Variants in STK24 observed in about 807,000 individuals in gnomAD.
STK24 encodes the protein serine/threonine kinase 24, also known as serine/threonine-protein kinase 24.
In STK24, 21 loss-of-function variants were observed where a neutral mutation model predicts 55.6. The observed-to-expected ratio is 0.38, with a 90% CI of 0.27 to 0.54. The LOEUF is 0.54. STK24 is among the 20% of genes least tolerant of loss of function. The pLI is 0.79. For synonymous variants in STK24, 200 were observed against 215.2 expected (o/e 0.93, Z 0.62); for missense variants, 383 against 538.4 (o/e 0.71, Z 2.86).
At chr13:98,532,917 G>C (rs1210251399) in intron 1 of STK24, among the ~76,000 whole-genome samples, 1 of 152,130 alleles carries the variant, frequency 6.6e-6, no homozygotes, top group African/African-American at 2.4e-5. Flanking sequence ...CCACCATCTG[G>C]TTTAGTAAAC....
At chr13:98,565,626 C>A (rs1451350999) in intron 1 of STK24, among the ~76,000 whole-genome samples, 1 of 116,402 alleles carries the variant, frequency 8.6e-6, no homozygotes, top group Non-Finnish European at 1.8e-5. Flanking sequence ...AATGAGACTC[C>A]ATCTCAAAAA....
chr13:98,467,913 C>T (rs944389452), intron 5 of STK24, among the ~76,000 whole-genome samples: 4 of 152,194 alleles, frequency 2.6e-5, no homozygotes, highest in African/African-American at 9.7e-5. Context: ...TGGCGAAAGA[C>T]GAATGGGGAC....
At position 98,450,387 on chromosome 13, in the gene STK24, GCTA is replaced by G. The variant is rs1318888119; in HGVS notation, c.*2783_*2785del. ...TTTTGCCAGAGGAAAGGTACAAAAT[GCTA>G]CATACAGAACCAAACCAGCCACTTC... On this transcript the variant is annotated 3_prime_UTR_variant, in exon 11 of 11. Coordinates refer to ENST00000539966, the MANE Select transcript of STK24 (RefSeq NM_001032296.4). 1 of 152,326 alleles carries G rather than the reference GCTA, an allele frequency of 6.6e-6. No homozygotes were observed. The highest frequency in any genetic ancestry group is 1.9e-4 in the East Asian group (1 of 5,182). 9.4% of individuals were successfully genotyped at this position (152,326 alleles called of 1,614,324 possible). A position where few individuals can be genotyped will look rare whatever the true frequency, so the allele number is the denominator to read the frequency against.
At chr13:98,537,173 G>A (rs1260494175) in intron 1 of STK24, among the ~76,000 whole-genome samples, 2 of 152,222 alleles carry the variant, frequency 1.3e-5, no homozygotes, top group African/African-American at 4.8e-5. Flanking sequence ...TGAAGGAGCA[G>A]GCTACCTGTG....
Position 98,453,053 on chromosome 13 carries a change from G to C in STK24, c.*120C>G. On this transcript the variant is annotated 3_prime_UTR_variant, in exon 11 of 11. Transcript: ENST00000539966. ...TCCCTGGACGGGCGCCTGGCGCTGGGGTGGCTCCCAGTGGCGCACCTCTTC... is the reference window on the plus strand; with the variant it reads ...TCCCTGGACGGGCGCCTGGCGCTGGCGTGGCTCCCAGTGGCGCACCTCTTC... The C allele has an allele frequency of 1.7e-6, 2 of 1,155,298 alleles. No individual in the cohort carries two copies. The highest frequency in any genetic ancestry group is 1.4e-5 in the South Asian group (1 of 73,112). 71.6% of individuals were successfully genotyped at this position (1,155,298 alleles called of 1,614,324 possible). A position where few individuals can be genotyped will look rare whatever the true frequency, so the allele number is the denominator to read the frequency against.
At chr13:98,492,927 A>G (rs1358328378) in intron 2 of STK24, among the ~76,000 whole-genome samples, 6 of 152,248 alleles carry the variant, frequency 3.9e-5, no homozygotes, top group Non-Finnish European at 8.8e-5. Flanking sequence ...AGAAAAAAAA[A>G]TTCACAGACT....
rs1555306945 is a variant in STK24 at position 98,508,178 on chromosome 13, A to AAT, written c.273+11063_273+11064dup. On this transcript the variant is annotated intron_variant, in intron 2 of 10. Transcript: ENST00000539966. ...TAAAGCTAATAGAAGAAAAAAAATA[A>AAT]ATATATTTGTAACCTATGAGAAGCT... Among the ~76,000 whole-genome samples the AAT allele has an allele frequency of 3.3e-5, 5 of 152,280 alleles. No individual in the cohort carries two copies. In the South Asian group the frequency reaches 6.2e-4, roughly 19 times the overall value.
intron 1 of STK24, among the ~76,000 whole-genome samples, chr13:98,564,369 C>T (rs1897511845): frequency 6.6e-6 from 1 of 152,204 alleles, no homozygotes; most frequent in South Asian, 2.1e-4. Flanking sequence ...TCGGGGGCTT[C>T]CCCTTACGAG....
At chr13:98,476,601 GC>G (rs1894386928) in intron 3 of STK24, among the ~76,000 whole-genome samples, 2 of 152,256 alleles carry the variant, frequency 1.3e-5, no homozygotes, top group African/African-American at 4.8e-5. Context: ...CTGGGACAGA[GC>G]CCGACAGTCC....
At chr13:98,532,371 A>G (rs1426380434) in intron 1 of STK24, among the ~76,000 whole-genome samples, 1 of 151,936 alleles carries the variant, frequency 6.6e-6, no homozygotes, top group Non-Finnish European at 1.5e-5. Context: ...TTCAGTGACT[A>G]GTAATTGATG....
intron 5 of STK24, among the ~76,000 whole-genome samples, chr13:98,474,536 AC>A (rs1894289134): frequency 6.7e-6 from 1 of 149,000 alleles, no homozygotes; most frequent in Non-Finnish European, 1.5e-5. Context: ...AGTTCCTCCC[AC>A]CCCCCTCCAA....
chr13:98,462,681 C>T (rs968842044), intron 7 of STK24, among the ~76,000 whole-genome samples: 3 of 152,170 alleles, frequency 2.0e-5, no homozygotes, highest in African/African-American at 4.8e-5. Flanking sequence ...CCCCTAAGCC[C>T]GCTTCACCTG....
intron 1 of STK24, among the ~76,000 whole-genome samples, chr13:98,559,677 T>G (rs972712127): frequency 2.6e-5 from 4 of 152,226 alleles, no homozygotes; most frequent in African/African-American, 9.6e-5. Context: ...TCCCTCTTTT[T>G]CTTAAAGTGT....
At chr13:98,554,330 A>T (rs1432747059) in intron 1 of STK24, among the ~76,000 whole-genome samples, 4 of 152,364 alleles carry the variant, frequency 2.6e-5, no homozygotes. Context: ...AACTTCCTTT[A>T]AAACAGGACA....
chr13:98,543,138 C>T (rs1212936781), intron 1 of STK24: 6 of 468,496 alleles, frequency 1.3e-5, no homozygotes, highest in African/African-American at 2.1e-5. Flanking sequence ...CCAAAGTTTA[C>T]AGCTTCGGGA....
At chr13:98,503,587 C>T (rs1199328550) in intron 2 of STK24, among the ~76,000 whole-genome samples, 2 of 152,162 alleles carry the variant, frequency 1.3e-5, no homozygotes, top group South Asian at 2.1e-4. Flanking sequence ...AAAGTCAGCA[C>T]GCCAGTGGGA....
chr13:98,518,800 TA>T (rs1896162298), intron 2 of STK24, among the ~76,000 whole-genome samples: 1 of 152,248 alleles, frequency 6.6e-6, no homozygotes, highest in Admixed American at 6.5e-5. Flanking sequence ...ATAAGCTAGC[TA>T]ACTAACCAAC....
intron 1 of STK24, among the ~76,000 whole-genome samples, chr13:98,543,592 T>C (rs927093080): frequency 5.3e-5 from 8 of 152,074 alleles, no homozygotes; most frequent in Non-Finnish European, 1.2e-4. Context: ...GTCTGATCGC[T>C]GCAGAGAGAC....
chr13:98,531,687 G>A (rs1896582766), intron 1 of STK24, among the ~76,000 whole-genome samples: 1 of 152,184 alleles, frequency 6.6e-6, no homozygotes, highest in Non-Finnish European at 1.5e-5. Context: ...TCCTCTTGAA[G>A]CCAAGGAACA....
Sources: gnomAD v4.1 joint callset for allele counts (sites outside exome capture counted in the v4.1 genomes callset) on GRCh38, gnomAD v4.1.1 for gene constraint, MANE v1.5 for transcripts, NCBI Gene and HGNC (gene_info 2026-07-23, HGNC 2026-07-21) for gene names.